LSAMP: variants seen among roughly 807,000 people sequenced by gnomAD.
LSAMP encodes the protein limbic system associated membrane protein.
A neutral mutation model predicts 38.6 loss-of-function variants in LSAMP; 7 were observed. That is an observed-to-expected ratio of 0.18 (90% CI 0.10 to 0.34). The LOEUF is 0.34. Ranked by LOEUF, LSAMP falls within the 10% of genes least tolerant of loss-of-function variation. The pLI is 1.00. For missense variants in LSAMP, 313 were observed against 420.0 expected (o/e 0.75, Z 2.23); for synonymous variants, 154 against 166.8 (o/e 0.92, Z 0.59).
At chr3:116,368,264 G>A (rs2048382600) in intron 1 of LSAMP, 2 of 152,186 alleles carry the variant, frequency 1.3e-5, no homozygotes, top group Non-Finnish European at 2.9e-5. Context: ...AATGATTGAA[G>A]ACTAAAGGTA....
At chr3:115,861,115 CTCCTTCCTTCTTTCTTTCCTTCCT>C (rs1359188770) in intron 3 of LSAMP, among the ~76,000 whole-genome samples, 6 of 80,984 alleles carry the variant, frequency 7.4e-5, no homozygotes, top group African/African-American at 1.9e-4. Context: ...CCTCCCCTCC[CTCCTTCCTTCTTTCTTTCCTTCCT>C]TCCTTCCTTC....
In LSAMP at chr3:116,013,528, A is replaced by G. The variant is rs139252639; in HGVS notation, c.514+5987T>C. Among the ~76,000 whole-genome samples, 611 of 152,314 alleles carry G rather than the reference A, an allele frequency of 4.0e-3. 6 individuals carry two copies. Among genetic ancestry groups the G allele is most frequent in the African/African-American group, 0.013 (558 of 41,578 alleles). ...TACCTGCTACTGATATACTGAGACT[A>G]TACTGGGAAAGTATATAACTTTCTC... On this transcript the variant is annotated intron_variant, in intron 3 of 6. Coordinates refer to ENST00000490035, the MANE Select transcript of LSAMP (RefSeq NM_002338.5).
intron 1 of LSAMP, among the ~76,000 whole-genome samples, chr3:116,384,552 C>A (rs1298001179): frequency 6.6e-6 from 1 of 152,024 alleles, no homozygotes; most frequent in Non-Finnish European, 1.5e-5. Flanking sequence ...TATAATTAGA[C>A]CCATTAGCCT....
intron 1 of LSAMP, among the ~76,000 whole-genome samples, chr3:116,204,277 G>C (rs2046032512): frequency 1.3e-5 from 2 of 150,622 alleles, no homozygotes; most frequent in Non-Finnish European, 3.0e-5. Flanking sequence ...ATTTGTTTGA[G>C]TTCATTGTAG....
chr3:116,123,218 T>TGGAG (rs1388688095), intron 1 of LSAMP, among the ~76,000 whole-genome samples: 1 of 152,204 alleles, frequency 6.6e-6, no homozygotes, highest in Non-Finnish European at 1.5e-5. Context: ...GCCTGCTGCC[T>TGGAG]TCTCATCTGG....
At position 115,979,875 on chromosome 3, in the gene LSAMP, G is replaced by A. The variant is rs1001206348; in HGVS notation, c.514+39640C>T. Among the ~76,000 whole-genome samples the A allele has an allele frequency of 4.6e-5, 7 of 152,166 alleles. No individual in the cohort carries two copies. In the South Asian group the frequency reaches 1.2e-3, roughly 27 times the overall value. On this transcript the variant is annotated intron_variant, in intron 3 of 6. Transcript: ENST00000490035. ...AGTGTTTGCTAACTAATTCTAAATGGAAATAGGTTTTGGACAGATTGAGAT... is the reference window on the plus strand; with the variant it reads ...AGTGTTTGCTAACTAATTCTAAATGAAAATAGGTTTTGGACAGATTGAGAT...
In LSAMP at chr3:116,164,822, G is replaced by A. The variant is rs534779065; in HGVS notation, c.156-78266C>T. 8.4e-5 allele frequency among the ~76,000 whole-genome samples: 12 copies of A among 142,024 alleles called. No homozygotes were observed. The South Asian group carries it at 2.7e-3, about 32-fold the overall frequency. The allele number at this position is 142,024 out of a possible 152,430, so 93.2% of individuals were successfully genotyped here. On this transcript the variant is annotated intron_variant, in intron 1 of 6. Coordinates refer to ENST00000490035, the MANE Select transcript of LSAMP (RefSeq NM_002338.5). ...GGCTGATGACCAGGAAACAATGTCA[G>A]TGCCAAGTACATGGTGTTGGGGGAG...
At chr3:116,092,985 T>C (rs1708156686) in intron 1 of LSAMP, among the ~76,000 whole-genome samples, 1 of 152,236 alleles carries the variant, frequency 6.6e-6, no homozygotes, top group Admixed American at 6.5e-5. Flanking sequence ...ATTTCCTTCT[T>C]TTCTCAAGAG....
intron 1 of LSAMP, among the ~76,000 whole-genome samples, chr3:116,273,755 A>T (rs906003093): frequency 1.5e-5 from 2 of 133,632 alleles, no homozygotes; most frequent in African/African-American, 3.0e-5. Flanking sequence ...TATATATATA[A>T]AATTTTTATT....
At position 115,970,620 on chromosome 3, in the gene LSAMP, C is replaced by T. The variant is rs374436290; in HGVS notation, c.514+48895G>A. On this transcript the variant is annotated intron_variant, in intron 3 of 6. Transcript: ENST00000490035. Reference sequence around the variant, plus strand: ...ACTTTTAGGTCAGAACGAAGAAGTTCTTGCTTAGACTTATTATGTACATTT... The same window carrying T: ...ACTTTTAGGTCAGAACGAAGAAGTTTTTGCTTAGACTTATTATGTACATTT... 5.9e-5 allele frequency among the ~76,000 whole-genome samples: 9 copies of T among 152,220 alleles called. No homozygotes were observed. The East Asian group carries it at 1.7e-3, about 29-fold the overall frequency.
intron 3 of LSAMP, among the ~76,000 whole-genome samples, chr3:115,957,696 T>A (rs1242260263): frequency 6.6e-6 from 1 of 152,242 alleles, no homozygotes; most frequent in African/African-American, 2.4e-5. Flanking sequence ...ATTCTCTTGC[T>A]TCCATCTCAA....
chr3:116,190,519 C>T (rs1490355541), intron 1 of LSAMP, among the ~76,000 whole-genome samples: 2 of 151,968 alleles, frequency 1.3e-5, no homozygotes, highest in Non-Finnish European at 2.9e-5. Flanking sequence ...CAGTGTGTAT[C>T]TGCATTTTAA....
chr3:115,839,453 G>A (rs1158923279), intron 6 of LSAMP, among the ~76,000 whole-genome samples: 1 of 152,058 alleles, frequency 6.6e-6, no homozygotes, highest in African/African-American at 2.4e-5. Context: ...TGGGTGGATG[G>A]GTGGAGGGAG....
intron 1 of LSAMP, among the ~76,000 whole-genome samples, chr3:116,372,118 C>G (rs137891099): frequency 6.6e-6 from 1 of 151,912 alleles, no homozygotes; most frequent in Non-Finnish European, 1.5e-5. Context: ...ACTACTAGCT[C>G]GATACAATCC....
chr3:116,411,711 G>C (rs377410388), intron 1 of LSAMP, among the ~76,000 whole-genome samples: 96 of 150,664 alleles, frequency 6.4e-4, no homozygotes, highest in African/African-American at 2.2e-3. Context: ...CACCAGCATG[G>C]CACATGTATA....
At chr3:115,923,359 ATTC>A (rs1442432347) in intron 3 of LSAMP, among the ~76,000 whole-genome samples, 4 of 152,182 alleles carry the variant, frequency 2.6e-5, no homozygotes, top group South Asian at 2.1e-4. Flanking sequence ...ATAAAATGAA[ATTC>A]TTCTTCTTGA....
intron 6 of LSAMP, among the ~76,000 whole-genome samples, chr3:115,840,474 G>T (rs1328475552): frequency 6.6e-6 from 1 of 152,154 alleles, no homozygotes; most frequent in South Asian, 2.1e-4. Context: ...TTGAGGCAAA[G>T]AATACTTATG....
chr3:116,099,607 G>A (rs1708299307), intron 1 of LSAMP, among the ~76,000 whole-genome samples: 1 of 152,078 alleles, frequency 6.6e-6, no homozygotes, highest in African/African-American at 2.4e-5. Flanking sequence ...CTCTATCATG[G>A]CCACTCTTAG....
chr3:116,326,792 GT>G (rs2047779117), intron 1 of LSAMP, among the ~76,000 whole-genome samples: 2 of 152,062 alleles, frequency 1.3e-5, no homozygotes, highest in Non-Finnish European at 2.9e-5. Context: ...GAACTTCAAG[GT>G]TTTTCACAAT....
Sources: gnomAD v4.1 joint callset for allele counts (sites outside exome capture counted in the v4.1 genomes callset) on GRCh38, gnomAD v4.1.1 for gene constraint, MANE v1.5 for transcripts, NCBI Gene and HGNC (gene_info 2026-07-23, HGNC 2026-07-21) for gene names.